Variants in MYO18B observed in about 807,000 individuals in gnomAD.
The protein encoded by MYO18B is myosin XVIIIB.
MYO18B carries 204 observed loss-of-function variants against 273.0 expected under a neutral mutation model. The ratio of observed to expected loss-of-function variants is 0.75; its 90% CI spans 0.67 to 0.84. MYO18B has a LOEUF of 0.84. Among genes scored for constraint, MYO18B ranks in the 40% least tolerant of loss-of-function variants. The probability of loss-of-function intolerance (pLI) is 0.00; values close to 1 mark genes in which losing one functional copy is unlikely to be tolerated. For synonymous variants in MYO18B, 1,330 were observed against 1,305.7 expected (o/e 1.02, Z -0.40); for missense variants, 3,212 against 3,287.6 (o/e 0.98, Z 0.56).
intron 10 of MYO18B, among the ~76,000 whole-genome samples, chr22:25,782,889 G>A (rs1228375643): frequency 1.3e-5 from 2 of 152,176 alleles, no homozygotes; most frequent in East Asian, 1.9e-4. Flanking sequence ...TTGGAGTGGG[G>A]TGGTATAGCA....
chr22:25,835,206 G>T (rs1449347167), intron 16 of MYO18B, 90 bp from the exon 17 acceptor site: 8 of 1,445,996 alleles, frequency 5.5e-6, no homozygotes, highest in Non-Finnish European at 7.3e-6. Flanking sequence ...GGACTTGGAT[G>T]CTCTCATTCC....
intron 40 of MYO18B, among the ~76,000 whole-genome samples, chr22:26,001,405 A>G (rs532378680): frequency 1.6e-4 from 25 of 152,280 alleles, no homozygotes; most frequent in Admixed American, 1.6e-3. Context: ...CTGAAGGGAG[A>G]AAAAGAGGGT....
intron 5 of MYO18B, among the ~76,000 whole-genome samples, chr22:25,770,502 TGA>T (rs945154765): frequency 1.3e-5 from 2 of 152,206 alleles, no homozygotes; most frequent in African/African-American, 4.8e-5. Context: ...GAAGTGATGC[TGA>T]GTCTCAGTCT....
At chr22:25,944,070 G>A (rs55635759) in intron 34 of MYO18B, among the ~76,000 whole-genome samples, 2,737 of 152,108 alleles carry the variant, frequency 0.018, 76 homozygotes, top group African/African-American at 0.059. Flanking sequence ...TCCTTCATGA[G>A]TCCTCTGACT....
At chr22:25,910,548 G>A (rs1465034728) in intron 32 of MYO18B, among the ~76,000 whole-genome samples, 2 of 152,180 alleles carry the variant, frequency 1.3e-5, no homozygotes, top group East Asian at 3.8e-4. Flanking sequence ...CTGCATCATT[G>A]TGTATTTAAT....
intron 42 of MYO18B, among the ~76,000 whole-genome samples, chr22:26,016,307 G>A (rs1245729095): frequency 6.6e-6 from 1 of 152,202 alleles, no homozygotes; most frequent in Non-Finnish European, 1.5e-5. Context: ...TCTCATCAGA[G>A]TGTGACTTGG....
intron 21 of MYO18B, among the ~76,000 whole-genome samples, chr22:25,859,384 G>A (rs1243202537): frequency 6.6e-6 from 1 of 152,122 alleles, no homozygotes; most frequent in African/African-American, 2.4e-5. Flanking sequence ...GTGCATTCTT[G>A]GAGGAGAATT....
intron 8 of MYO18B, among the ~76,000 whole-genome samples, chr22:25,778,474 A>G (rs903417483): frequency 8.6e-5 from 13 of 151,776 alleles, no homozygotes. Flanking sequence ...TAAGGATACT[A>G]ACTTTATTAT....
chr22:26,008,458 G>A (rs2146935634), intron 42 of MYO18B, among the ~76,000 whole-genome samples: 1 of 152,320 alleles, frequency 6.6e-6, no homozygotes, highest in East Asian at 1.9e-4. Context: ...ATTTGACTGA[G>A]AAAGAAGGTC....
chr22:25,996,711 A>G (rs1318054738), intron 40 of MYO18B, among the ~76,000 whole-genome samples: 1 of 152,124 alleles, frequency 6.6e-6, no homozygotes, highest in Non-Finnish European at 1.5e-5. Flanking sequence ...CCAGAGAGGA[A>G]GGCATTGGAA....
intron 17 of MYO18B, among the ~76,000 whole-genome samples, chr22:25,839,101 T>C (rs2090000610): frequency 6.8e-6 from 1 of 147,668 alleles, no homozygotes; most frequent in Admixed American, 7.0e-5. Context: ...TATACGTGTG[T>C]GCGTGTGTGT....
At chr22:25,864,085 A>G (rs5752239) in intron 21 of MYO18B, among the ~76,000 whole-genome samples, 6,604 of 152,198 alleles carry the variant, frequency 0.043, 216 homozygotes, top group East Asian at 0.16. Context: ...GCTTTGCTCC[A>G]TATAGGTGAG....
At chr22:25,952,873 G>T in intron 38 of MYO18B, among the ~76,000 whole-genome samples, 1 of 152,210 alleles carries the variant, frequency 6.6e-6, no homozygotes, top group Non-Finnish European at 1.5e-5. Flanking sequence ...CCCAGTGTGG[G>T]CTAGGCCCTG....
At chr22:25,846,700 C>T (rs764368564) in intron 19 of MYO18B, among the ~76,000 whole-genome samples, 1 of 152,130 alleles carries the variant, frequency 6.6e-6, no homozygotes, top group African/African-American at 2.4e-5. Context: ...AATGTGAATC[C>T]GTGAATAAAT....
downstream of MYO18B, among the ~76,000 whole-genome samples, chr22:26,035,514 G>C (rs1367955928): frequency 1.3e-5 from 2 of 152,190 alleles, no homozygotes; most frequent in African/African-American, 4.8e-5. Flanking sequence ...TGCCTGGGAA[G>C]CTGCTAGGAG....
chr22:25,783,029 A>AC (rs1287009338), intron 10 of MYO18B, among the ~76,000 whole-genome samples: 1 of 152,228 alleles, frequency 6.6e-6, no homozygotes, highest in African/African-American at 2.4e-5. Flanking sequence ...ATCTACAAAA[A>AC]TAGATGTGAC....
At chr22:25,763,500 T>G (rs2086402411) in intron 3 of MYO18B, 111 bp downstream of exon 3, 1 of 1,292,630 alleles carries the variant, frequency 7.7e-7, no homozygotes, top group Non-Finnish European at 1.1e-6. Context: ...CTGTCCTGGT[T>G]TTGAGGAATG....
intron 11 of MYO18B, among the ~76,000 whole-genome samples, chr22:25,792,492 C>CTTTTCT (rs1555893148): frequency 5.2e-4 from 17 of 32,428 alleles, no homozygotes; most frequent in Admixed American, 2.4e-3. Flanking sequence ...TTTTTTTTTT[C>CTTTTCT]TTTTCTTTTT....
At chr22:25,760,403 C>T (rs35275115) in intron 1 of MYO18B, among the ~76,000 whole-genome samples, 10,578 of 93,552 alleles carry the variant, frequency 0.11, 761 homozygotes, top group East Asian at 0.39. Flanking sequence ...CAGAGCAAGA[C>T]TCCATCTCAA....
Sources: gnomAD v4.1 joint callset for allele counts (sites outside exome capture counted in the v4.1 genomes callset) on GRCh38, gnomAD v4.1.1 for gene constraint, MANE v1.5 for transcripts, NCBI Gene and HGNC (gene_info 2026-07-23, HGNC 2026-07-21) for gene names.